The following MATN2 variants were observed in gnomAD, a reference collection of about 807,000 sequenced individuals.
MATN2 encodes matrilin 2, also known as matrilin-2.
In MATN2, 69 loss-of-function variants were observed where a neutral mutation model predicts 103.2. That is an observed-to-expected ratio of 0.67 (90% CI 0.55 to 0.82). The LOEUF (loss-of-function observed/expected upper bound fraction) is 0.82, where lower values mean the gene tolerates loss of function less well. Among genes scored for constraint, MATN2 ranks in the 40% least tolerant of loss-of-function variants. The pLI, the probability that MATN2 is intolerant of heterozygous loss-of-function variation, is 0.00. For missense variants in MATN2, 1,023 were observed against 1,211.5 expected (o/e 0.84, Z 2.31); for synonymous variants, 429 against 450.2 (o/e 0.95, Z 0.60).
At position 97,991,551 on chromosome 8, in the gene MATN2, G is replaced by A. The variant is rs188582298; in HGVS notation, c.1082-2929G>A. 7.3e-4 allele frequency among the ~76,000 whole-genome samples: 111 copies of A among 152,176 alleles called. 1 individual carries two copies. The South Asian group carries it at 0.019, about 26-fold the overall frequency. Reference sequence around the variant, plus strand: ...AGCCTGGGCAACACGGTGAAACCCCGTCTCTACTAAATTACAAAAAATTAG... The same window carrying A: ...AGCCTGGGCAACACGGTGAAACCCCATCTCTACTAAATTACAAAAAATTAG... On this transcript the variant is annotated intron_variant, in intron 6 of 18. Coordinates refer to ENST00000254898, the MANE Select transcript of MATN2 (RefSeq NM_002380.5).
chr8:98,021,051 G>A, intron 12 of MATN2, 154 bp from the exon 13 acceptor site: 1 of 636,230 alleles, frequency 1.6e-6, no homozygotes, highest in Non-Finnish European at 2.6e-6. Flanking sequence ...TCCCCATCCT[G>A]AGTATGAGAC....
intron 10 of MATN2, among the ~76,000 whole-genome samples, chr8:98,015,600 T>C (rs2513808): frequency 0.09 from 13,739 of 152,318 alleles, 774 homozygotes; most frequent in East Asian, 0.19. Flanking sequence ...TGCAGGGCTC[T>C]GCTCAGTGTC....
chr8:97,987,556 C>A (rs1812235610), intron 6 of MATN2, among the ~76,000 whole-genome samples: 1 of 152,062 alleles, frequency 6.6e-6, no homozygotes, highest in Non-Finnish European at 1.5e-5. Context: ...AATACCTGTT[C>A]TTCATAAAAT....
intron 2 of MATN2, among the ~76,000 whole-genome samples, chr8:97,904,494 T>C (rs1267910403): frequency 6.6e-6 from 1 of 152,202 alleles, no homozygotes; most frequent in Non-Finnish European, 1.5e-5. Flanking sequence ...GGAAAAATTC[T>C]AAAGAAACAT....
chr8:97,926,349 C>T (rs971055873), intron 2 of MATN2, among the ~76,000 whole-genome samples: 10 of 152,204 alleles, frequency 6.6e-5, no homozygotes, highest in African/African-American at 2.4e-4. Context: ...CAAGGAAATC[C>T]ATTTCCTGGA....
chr8:98,017,844 T>C, intron 11 of MATN2, 150 bp from the exon 12 acceptor site: 1 of 779,154 alleles, frequency 1.3e-6, no homozygotes, highest in Non-Finnish European at 2.1e-6. Flanking sequence ...CTAAACTTTG[T>C]TCTCAATTGT....
At chr8:97,908,661 T>C (rs189392832) in intron 2 of MATN2, among the ~76,000 whole-genome samples, 7 of 152,326 alleles carry the variant, frequency 4.6e-5, no homozygotes, top group Admixed American at 4.6e-4. Flanking sequence ...AGGCAGAGTC[T>C]CACTTTGCCA....
intron 2 of MATN2, among the ~76,000 whole-genome samples, chr8:97,897,022 G>A (rs190181563): frequency 2.4e-4 from 36 of 152,182 alleles, no homozygotes; most frequent in Admixed American, 1.7e-3. Context: ...GGGCTAGGCA[G>A]TGGGATCAGG....
At chr8:97,892,745 G>C (rs746669321) in intron 2 of MATN2, among the ~76,000 whole-genome samples, 1 of 152,210 alleles carries the variant, frequency 6.6e-6, no homozygotes, top group Non-Finnish European at 1.5e-5. Flanking sequence ...AAGAGAATGA[G>C]AGTATGAAAG....
At chr8:97,921,846 G>A (rs1240614330) in intron 2 of MATN2, among the ~76,000 whole-genome samples, 3 of 152,144 alleles carry the variant, frequency 2.0e-5, no homozygotes, top group Admixed American at 6.5e-5. Flanking sequence ...AATAAAATGC[G>A]TACAGCCGGG....
chr8:97,923,562 TCTC>T (rs1809884299), intron 2 of MATN2, among the ~76,000 whole-genome samples: 1 of 82,192 alleles, frequency 1.2e-5, no homozygotes, highest in East Asian at 1.6e-3. Context: ...TCTCTCTGTC[TCTC>T]TTTTTTTTGA....
chr8:97,889,745 G>C (rs983604587), intron 2 of MATN2, among the ~76,000 whole-genome samples: 1 of 151,954 alleles, frequency 6.6e-6, no homozygotes, highest in South Asian at 2.1e-4. Context: ...GCATGGCCAA[G>C]ATACCTGATT....
intron 7 of MATN2, among the ~76,000 whole-genome samples, chr8:97,995,406 C>T (rs1376432341): frequency 6.6e-6 from 1 of 151,898 alleles, no homozygotes; most frequent in African/African-American, 2.4e-5. Context: ...ATTCTTCAAT[C>T]TTGTTAGAAA....
chr8:98,023,646 G>T (rs1171868631), intron 13 of MATN2, among the ~76,000 whole-genome samples: 1 of 152,114 alleles, frequency 6.6e-6, no homozygotes, highest in Non-Finnish European at 1.5e-5. Context: ...ACTCTAGCCT[G>T]GGTGACACAG....
chr8:97,929,405 C>T (rs1418137809), intron 2 of MATN2, among the ~76,000 whole-genome samples: 4 of 152,088 alleles, frequency 2.6e-5, no homozygotes, highest in African/African-American at 4.8e-5. Flanking sequence ...CTGCAAAGTC[C>T]GGGAAGGGAG....
At chr8:97,952,077 T>C (rs977341671) in intron 4 of MATN2, 3 of 152,204 alleles carry the variant, frequency 2.0e-5, no homozygotes, top group Admixed American at 6.5e-5. Context: ...TCAGACATGA[T>C]GAAAGAGAGG....
Position 97,888,121 on chromosome 8 carries a change from C to G in MATN2, c.21C>G (p.Gly7=). 2 of 1,607,596 alleles carry G rather than the reference C, an allele frequency of 1.2e-6. No individual in the cohort carries two copies. Among genetic ancestry groups the G allele is most frequent in the Non-Finnish European group, 1.7e-6 (2 of 1,177,460 alleles). ...TGAAAATGGAAAAGATGCTCGCAGG[C>G]TGCTTTCTGCTGATCCTCGGACAGA... MEKMLA[G]CFLLILGQIV... The change falls in exon 2 of 19, where the codon GGC becomes GGG. Residue 7 remains glycine (G), a synonymous_variant. Coordinates refer to ENST00000254898, the MANE Select transcript of MATN2 (RefSeq NM_002380.5).
Position 97,937,583 on chromosome 8 carries a change from CTTTTTTTT to C in MATN2, c.713-4178_713-4171del, listed in dbSNP as rs376203275. On this transcript the variant is annotated intron_variant, in intron 3 of 18. Coordinates refer to ENST00000254898, the MANE Select transcript of MATN2 (RefSeq NM_002380.5). Reference sequence around the variant, plus strand: ...TCTTTTAATTCCCCCTCCCCACTAACTTTTTTTTTTTTTTTTTTTTTTTGAGATGGAGT... The same window carrying C: ...TCTTTTAATTCCCCCTCCCCACTAACTTTTTTTTTTTTTTTGAGATGGAGT... Among the ~76,000 whole-genome samples the C allele has an allele frequency of 1.8e-3, 160 of 89,814 alleles. 1 individual carries two copies. The highest frequency in any genetic ancestry group is 6.8e-3 in the African/African-American group (149 of 21,974). The allele number at this position is 89,814 out of a possible 152,430, so 58.9% of individuals were successfully genotyped here.
intron 2 of MATN2, among the ~76,000 whole-genome samples, chr8:97,892,415 C>CAAAAAAAA (rs35181049): frequency 1.3e-5 from 1 of 78,046 alleles, no homozygotes; most frequent in Non-Finnish European, 2.2e-5. Flanking sequence ...GACCCTGTCT[C>CAAAAAAAA]AAAAAAAAAA....
Sources: gnomAD v4.1 joint callset for allele counts (sites outside exome capture counted in the v4.1 genomes callset) on GRCh38, gnomAD v4.1.1 for gene constraint, MANE v1.5 for transcripts, NCBI Gene and HGNC (gene_info 2026-07-23, HGNC 2026-07-21) for gene names.